TRPS1: variants seen among roughly 807,000 people sequenced by gnomAD.
The protein encoded by TRPS1 is zinc finger transcription factor Trps1.
TRPS1 carries 6 observed loss-of-function variants against 101.2 expected under a neutral mutation model. The observed-to-expected ratio is 0.06, with a 90% confidence interval of 0.03 to 0.12. The LOEUF (loss-of-function observed/expected upper bound fraction) is 0.12. Ranked by LOEUF, TRPS1 falls within the 10% of genes least tolerant of loss-of-function variation. TRPS1 has a pLI of 1.00. For missense variants in TRPS1, 1,363 were observed against 1,567.0 expected, an observed-to-expected ratio of 0.87 and a Z score of 2.20; for synonymous variants, 578 against 589.8, an observed-to-expected ratio of 0.98 and a Z score of 0.29.
At chr8:115,613,556 G>A (rs1229570482) in intron 3 of TRPS1, among the ~76,000 whole-genome samples, 1 of 152,224 alleles carries the variant, frequency 6.6e-6, no homozygotes, top group African/African-American at 2.4e-5. Flanking sequence ...TGTGAAGACA[G>A]GCTTCCGTGG....
intron 5 of TRPS1, among the ~76,000 whole-genome samples, chr8:115,474,241 C>A (rs1814543624): frequency 6.6e-6 from 1 of 152,016 alleles, no homozygotes; most frequent in South Asian, 2.1e-4. Flanking sequence ...CTGTAAATGG[C>A]AGAGTTTTCT....
intron 5 of TRPS1, among the ~76,000 whole-genome samples, chr8:115,460,114 T>A (rs1435359939): frequency 6.6e-6 from 1 of 152,180 alleles, no homozygotes; most frequent in Non-Finnish European, 1.5e-5. Context: ...TTTTTGTTAC[T>A]GATATATCTC....
chr8:115,576,286 TATATAGATATAG>T (rs1238041454), intron 5 of TRPS1, among the ~76,000 whole-genome samples: 1 of 130,612 alleles, frequency 7.7e-6, no homozygotes, highest in Non-Finnish European at 1.7e-5. Flanking sequence ...TTCATATATA[TATATAGATATAG>T]ATATAGATAT....
chr8:115,440,272 C>T (rs926056885), intron 5 of TRPS1, among the ~76,000 whole-genome samples: 1 of 152,188 alleles, frequency 6.6e-6, no homozygotes, highest in Non-Finnish European at 1.5e-5. Context: ...GAGTTAATGG[C>T]TAGGTGCATG....
intron 5 of TRPS1, among the ~76,000 whole-genome samples, chr8:115,435,735 TAGC>T (rs1813431526): frequency 6.6e-6 from 1 of 152,144 alleles, no homozygotes; most frequent in African/African-American, 2.4e-5. Context: ...CAGAATAAAT[TAGC>T]AGCTTCCTCA....
intron 5 of TRPS1, among the ~76,000 whole-genome samples, chr8:115,553,526 C>T (rs1003953500): frequency 1.3e-5 from 2 of 152,076 alleles, no homozygotes; most frequent in Non-Finnish European, 2.9e-5. Context: ...ACCATTATTG[C>T]TGCTTATCGT....
chr8:115,519,295 T>C (rs1477428064), intron 5 of TRPS1, among the ~76,000 whole-genome samples: 1 of 151,722 alleles, frequency 6.6e-6, no homozygotes, highest in Non-Finnish European at 1.5e-5. Context: ...TTCTTAACAA[T>C]ATTATCAGAA....
At chr8:115,476,005 CTT>C (rs1169514340) in intron 5 of TRPS1, among the ~76,000 whole-genome samples, 1 of 40,712 alleles carries the variant, frequency 2.5e-5, no homozygotes, top group Non-Finnish European at 3.8e-5. Context: ...AATATACTTT[CTT>C]TTTTTTTTTT....
intron 5 of TRPS1, among the ~76,000 whole-genome samples, chr8:115,473,227 G>A (rs1249968732): frequency 6.6e-6 from 1 of 152,138 alleles, no homozygotes; most frequent in Non-Finnish European, 1.5e-5. Context: ...CCACATGGCT[G>A]GGAAGGCCTT....
Position 115,611,756 on chromosome 8 carries a change from C to T in TRPS1, c.967-6754G>A, listed in dbSNP as rs79194470. Among the ~76,000 whole-genome samples, 519 of 152,048 alleles carry T rather than the reference C, an allele frequency of 3.4e-3. 8 individuals are homozygous for T. The highest frequency in any genetic ancestry group is 0.012 in the African/African-American group (489 of 41,476). On this transcript the variant is annotated intron_variant, in intron 3 of 6. Transcript: ENST00000395715. ...GCTCTCAGGAAATACTGAGGAGGGC[C>T]GAGGCATTATCAAATCGTTAAATGG...
chr8:115,432,068 C>T (rs915126300), intron 5 of TRPS1, among the ~76,000 whole-genome samples: 3 of 151,462 alleles, frequency 2.0e-5, no homozygotes, highest in East Asian at 3.9e-4. Context: ...AATTCAGAGG[C>T]TAATGCTCTT....
chr8:115,444,385 A>G (rs1165365560), intron 5 of TRPS1, among the ~76,000 whole-genome samples: 2 of 152,172 alleles, frequency 1.3e-5, no homozygotes, highest in Non-Finnish European at 2.9e-5. Context: ...TGCTCAATAC[A>G]TTTTCGTTAA....
chr8:115,458,692 C>G (rs1470057854), intron 5 of TRPS1, among the ~76,000 whole-genome samples: 1 of 152,170 alleles, frequency 6.6e-6, no homozygotes, highest in African/African-American at 2.4e-5. Flanking sequence ...CGTCCAGCAC[C>G]AGGGAAATGT....
intron 5 of TRPS1, among the ~76,000 whole-genome samples, chr8:115,452,585 T>C (rs906014889): frequency 4.6e-5 from 7 of 152,146 alleles, no homozygotes; most frequent in Non-Finnish European, 8.8e-5. Context: ...CTCTTTGATG[T>C]GATAACGTTC....
Position 115,409,786 on chromosome 8 carries a change from A to G in TRPS1, c.*4237T>C, listed in dbSNP as rs1273060757. 4 of 152,292 alleles carry G rather than the reference A, an allele frequency of 2.6e-5. No homozygotes were observed. The South Asian group carries it at 6.2e-4, about 24-fold the overall frequency. The allele number at this position is 152,292 out of a possible 1,614,324, so 9.4% of individuals were successfully genotyped here. A position where few individuals can be genotyped will look rare whatever the true frequency, so the allele number is the denominator to read the frequency against. ...GCCTGCTGATAGAATTCCACCTAAC[A>G]GTACCTACCTTTGATTAGAATATTT... On this transcript the variant is annotated 3_prime_UTR_variant, in exon 7 of 7. Coordinates refer to ENST00000395715, the MANE Select transcript of TRPS1 (RefSeq NM_014112.5).
At chr8:115,579,991 T>A (rs1473090103) in intron 5 of TRPS1, among the ~76,000 whole-genome samples, 2 of 152,082 alleles carry the variant, frequency 1.3e-5, no homozygotes, top group African/African-American at 4.8e-5. Context: ...GACTTCCTTG[T>A]ATTTGTAAAT....
At chr8:115,479,147 TACA>T (rs1350877928) in intron 5 of TRPS1, among the ~76,000 whole-genome samples, 1 of 152,004 alleles carries the variant, frequency 6.6e-6, no homozygotes, top group African/African-American at 2.4e-5. Context: ...AAACAATAAG[TACA>T]ACACTTTACA....
chr8:115,418,935 A>G lies in TRPS1; in HGVS notation c.2701-483T>C, dbSNP rs1283943577. Among the ~76,000 whole-genome samples, 3 of 152,218 alleles carry G rather than the reference A, an allele frequency of 2.0e-5. No homozygotes were observed. Among genetic ancestry groups the G allele is most frequent in the African/African-American group, 7.2e-5 (3 of 41,464 alleles). On this transcript the variant is annotated intron_variant, in intron 5 of 6. Transcript: ENST00000395715. The surrounding 1 kb of genome is among the most constrained non-coding windows in gnomAD (Gnocchi z 4.3). ...TTTTTGTATGTCATTCATGTAACGT[A>G]AGTATTACGAGAATATAAGACACTC...
chr8:115,528,331 A>T (rs1397652845), intron 5 of TRPS1, among the ~76,000 whole-genome samples: 1 of 152,060 alleles, frequency 6.6e-6, no homozygotes, highest in Non-Finnish European at 1.5e-5. Context: ...TGAGCACTTA[A>T]GAGTCACAAA....
Sources: allele counts gnomAD v4.1 joint callset (sites outside exome capture counted in the v4.1 genomes callset), GRCh38; gene constraint gnomAD v4.1.1; non-coding constraint Gnocchi (gnomAD v3.1); transcripts MANE v1.5; gene names NCBI Gene and HGNC (gene_info 2026-07-23, HGNC 2026-07-21).